The following TBC1D10A variants were observed in gnomAD, a reference collection of about 807,000 sequenced individuals.
TBC1D10A encodes the protein TBC1 domain family member 10A, also known as EBP50-PDX interactor of 64 kDa.
Under a neutral mutation model 52.9 loss-of-function variants are expected in TBC1D10A, and 24 were observed. The ratio of observed to expected loss-of-function variants is 0.45; its 90% CI spans 0.33 to 0.64. The LOEUF is 0.64. Ranked by LOEUF, TBC1D10A falls within the 30% of genes least tolerant of loss-of-function variation. The probability of loss-of-function intolerance (pLI) is 0.02; values close to 1 mark genes in which losing one functional copy is unlikely to be tolerated. For missense variants in TBC1D10A, 602 were observed against 687.9 expected (o/e 0.88, Z 1.40); for synonymous variants, 278 against 282.9 (o/e 0.98, Z 0.17).
In TBC1D10A at chr22:30,292,109, G is replaced by T; in HGVS notation, c.*266C>A. On this transcript the variant is annotated 3_prime_UTR_variant, in exon 9 of 9. Transcript: ENST00000215790. ...CTGGGGAGCATCCCCCAGGAGGAGG[G>T]GGCTGAAGGAGGCCCCACCCCCCAG... is the stretch of plus-strand genomic sequence containing the variant. 1 of 404,528 alleles carries T rather than the reference G, an allele frequency of 2.5e-6. No individual in the cohort carries two copies. Among genetic ancestry groups the T allele is most frequent in the Non-Finnish European group, 4.4e-6 (1 of 227,684 alleles). The allele number at this position is 404,528 out of a possible 1,614,324, so 25.1% of individuals were successfully genotyped here.
intron 1 of TBC1D10A, among the ~76,000 whole-genome samples, chr22:30,314,671 G>C (rs1930496401): frequency 2.0e-5 from 3 of 152,048 alleles, no homozygotes; most frequent in Admixed American, 2.0e-4. Context: ...AATTAGCCAG[G>C]CATAGTGCTG....
At chr22:30,313,341 ATGTGTG>A (rs6147586) in intron 1 of TBC1D10A, among the ~76,000 whole-genome samples, 13,208 of 137,874 alleles carry the variant, frequency 0.096, 738 homozygotes, top group Non-Finnish European at 0.13. Context: ...TGCTCAATAA[ATGTGTG>A]TGTGTGTGTG....
chr22:30,293,000 C>T, intron 8 of TBC1D10A, 149 bp from the exon 9 acceptor site: 1 of 873,716 alleles, frequency 1.1e-6, no homozygotes, highest in Admixed American at 2.5e-5. Flanking sequence ...TAGTCCCAAG[C>T]TGCAGTCACG....
At position 30,297,659 on chromosome 22, in the gene TBC1D10A, G is replaced by A. The variant is rs1930111485; in HGVS notation, c.417+1785C>T. ...AGGACAGGAGGTCCTGCCTGCCCAA[G>A]GAAGGAGGAAGAAATAGCACGTGCA... On this transcript the variant is annotated intron_variant, in intron 3 of 8. Transcript: ENST00000215790. This position sits in a 1 kb window ranked among gnomAD's most constrained non-coding sequence, Gnocchi z 4.3. The A allele has an allele frequency of 6.6e-6, 1 of 152,326 alleles. No homozygotes were observed. Among genetic ancestry groups the A allele is most frequent in the African/African-American group, 2.4e-5 (1 of 41,408 alleles). 9.4% of individuals were successfully genotyped at this position (152,326 alleles called of 1,614,324 possible). A position where few individuals can be genotyped will look rare whatever the true frequency, so the allele number is the denominator to read the frequency against.
At chr22:30,301,957 G>A (rs1033864126) in intron 2 of TBC1D10A, among the ~76,000 whole-genome samples, 4 of 152,218 alleles carry the variant, frequency 2.6e-5, no homozygotes, top group African/African-American at 7.2e-5. Context: ...TTTGGCAAAG[G>A]GATGTGCTTT....
In TBC1D10A at chr22:30,295,742, G is replaced by A. The variant is rs1403059329; in HGVS notation, c.519C>T (p.Gly173=). The change falls in exon 4 of 9, where the codon GGC becomes GGT. Residue 173 remains glycine, a synonymous_variant. Coordinates refer to ENST00000215790, the MANE Select transcript of TBC1D10A (RefSeq NM_031937.3). The part of the protein sequence containing the change: ...PFHEMFVSRG[G]HGQQDLFRVL... ...ATGAGGCCCAGCCTGCTCACCCGTG[G>A]CCCCCCCGGGACACAAACATCTCAT... 3.1e-6 allele frequency: 5 copies of A among 1,613,428 alleles called. No individual in the cohort carries two copies. The highest frequency in any genetic ancestry group is 1.1e-5 in the South Asian group (1 of 91,076).
intron 4 of TBC1D10A, among the ~76,000 whole-genome samples, chr22:30,295,340 C>A (rs1182416131): frequency 6.6e-6 from 1 of 152,170 alleles, no homozygotes; most frequent in Non-Finnish European, 1.5e-5. Flanking sequence ...TATGTCAGGG[C>A]TGGAAGTAGG....
chr22:30,322,378 T>C (rs1385156470), intron 1 of TBC1D10A, among the ~76,000 whole-genome samples: 1 of 152,018 alleles, frequency 6.6e-6, no homozygotes, highest in Admixed American at 6.6e-5. Flanking sequence ...ACAGGATCAT[T>C]TACTGGCAAG....
intron 2 of TBC1D10A, among the ~76,000 whole-genome samples, chr22:30,301,419 A>T (rs1930199943): frequency 6.6e-6 from 1 of 152,228 alleles, no homozygotes; most frequent in South Asian, 2.1e-4. Flanking sequence ...CCTTAAGCCA[A>T]CCACTTCTCA....
At chr22:30,322,120 T>G (rs1208122752) in intron 1 of TBC1D10A, among the ~76,000 whole-genome samples, 1 of 151,990 alleles carries the variant, frequency 6.6e-6, no homozygotes, top group Non-Finnish European at 1.5e-5. Flanking sequence ...GCTGGGATTA[T>G]GGGCGTGAGC....
Position 30,292,674 on chromosome 22 carries a change from T to C in TBC1D10A, c.1228A>G (p.Ile410Val), listed in dbSNP as rs766929322. The change falls in exon 9 of 9, where the codon ATC (isoleucine) becomes GTC (valine). Residue 410 changes from isoleucine (I) to valine (V), a missense_variant. Around this residue, in one of 3 missense-constraint regions of TBC1D10A, gnomAD observed 265 missense variants for 275.1 expected, o/e 0.96. Transcript: ENST00000215790. ...AGGGGGGCATCTAGGGGCAGGCGGA[T>C]GGATGGTGAAGGTTGTAGGGCAGGC... ...PRPALQPSPSIRLPLDAPLPG... is the reference protein window; with the variant it reads ...PRPALQPSPSVRLPLDAPLPG... 6.2e-7 allele frequency: 1 copy of C among 1,609,086 alleles called. No individual in the cohort carries two copies. The highest frequency in any genetic ancestry group is 1.3e-5 in the African/African-American group (1 of 74,828).
rs780545619 is a variant in TBC1D10A at position 30,292,830 on chromosome 22, C to G, written c.1072G>C (p.Glu358Gln). The G allele has an allele frequency of 6.2e-7, 1 of 1,611,198 alleles. No homozygotes were observed. The highest frequency in any genetic ancestry group is 2.2e-4 in the Middle Eastern group (1 of 4,552). Residue 358 changes from glutamate to glutamine, a missense_variant, in exon 9 of 9, where the codon GAG becomes CAG. Around this residue, in one of 3 missense-constraint regions of TBC1D10A, gnomAD observed 265 missense variants for 275.1 expected, o/e 0.96. Coordinates refer to ENST00000215790, the MANE Select transcript of TBC1D10A (RefSeq NM_031937.3). ...VQEVVELPVT[E>Q]RQIEREHLIQ... is the part of the protein sequence containing the mutation. Reference sequence around the variant, plus strand: ...AGGTGTTCGCGCTCAATCTGGCGCTCTGTCACGGGCAACTCCACCACCTGC... The same window carrying G: ...AGGTGTTCGCGCTCAATCTGGCGCTGTGTCACGGGCAACTCCACCACCTGC...
rs1158477609 is a variant in TBC1D10A at position 30,295,970 on chromosome 22, A to T, written c.418-127T>A. ...GGCAGTGCCCACCCAAGCCCATCAC[A>T]GACTGGGCCTTCCCAAGGACAGGAA... On this transcript the variant is annotated intron_variant, in intron 3 of 8. Coordinates refer to ENST00000215790, the MANE Select transcript of TBC1D10A (RefSeq NM_031937.3). 4 of 773,230 alleles carry T rather than the reference A, an allele frequency of 5.2e-6. No individual in the cohort carries two copies. The African/African-American group carries it at 5.3e-5, about 10-fold the overall frequency. The allele number at this position is 773,230 out of a possible 1,614,324, so 47.9% of individuals were successfully genotyped here.
chr22:30,320,735 G>C (rs1210743437), intron 1 of TBC1D10A, among the ~76,000 whole-genome samples: 3 of 152,208 alleles, frequency 2.0e-5, no homozygotes, highest in Non-Finnish European at 1.5e-5. Context: ...AGCTGCTCCA[G>C]TCTTTAAGAG....
At chr22:30,310,543 T>C (rs140139946) in intron 1 of TBC1D10A, among the ~76,000 whole-genome samples, 149 of 152,314 alleles carry the variant, frequency 9.8e-4, no homozygotes, top group Middle Eastern at 3.4e-3. Flanking sequence ...CTTTGCTCTC[T>C]GAGCTTCCAG....
chr22:30,324,287 C>T (rs1240200654), intron 1 of TBC1D10A, among the ~76,000 whole-genome samples: 2 of 152,208 alleles, frequency 1.3e-5, no homozygotes, highest in Non-Finnish European at 1.5e-5. Flanking sequence ...CTTTCCATAA[C>T]TTCCCCTCTA....
At chr22:30,299,669 G>C (rs1351584747) in intron 2 of TBC1D10A, 118 bp from the exon 3 acceptor site, 1 of 920,176 alleles carries the variant, frequency 1.1e-6, no homozygotes, top group Non-Finnish European at 1.6e-6. Flanking sequence ...CAGAAACAGG[G>C]AGAAAAGAGG....
At chr22:30,311,328 G>A (rs1217282980) in intron 1 of TBC1D10A, among the ~76,000 whole-genome samples, 3 of 152,148 alleles carry the variant, frequency 2.0e-5, no homozygotes, top group South Asian at 2.1e-4. Context: ...TCTGCCTGAC[G>A]CCACACACTC....
In TBC1D10A at chr22:30,292,354, T is replaced by A; in HGVS notation, c.*21A>T. The A allele has an allele frequency of 1.3e-6, 2 of 1,521,646 alleles. No individual in the cohort carries two copies. Among genetic ancestry groups the A allele is most frequent in the Non-Finnish European group, 1.8e-6 (2 of 1,134,022 alleles). 94.3% of individuals were successfully genotyped at this position (1,521,646 alleles called of 1,614,324 possible). A position where few individuals can be genotyped will look rare whatever the true frequency, so the allele number is the denominator to read the frequency against. ...GTGTAGTTATATGGAGACCCCGCCC[T>A]GGAGGCCTTAGCTGCCAGGGTTACA... On this transcript the variant is annotated 3_prime_UTR_variant, in exon 9 of 9. Transcript: ENST00000215790.
Sources: allele counts gnomAD v4.1 joint callset (sites outside exome capture counted in the v4.1 genomes callset), GRCh38; gene constraint gnomAD v4.1.1; regional missense constraint gnomAD v4.1.1; non-coding constraint Gnocchi (gnomAD v3.1); transcripts MANE v1.5; gene names NCBI Gene and HGNC (gene_info 2026-07-23, HGNC 2026-07-21).